ABCA9: variants seen among roughly 807,000 people sequenced by gnomAD.
The protein encoded by ABCA9 is ATP binding cassette subfamily A member 9.
Under a neutral mutation model 205.3 loss-of-function variants are expected in ABCA9, and 183 were observed. That is an observed-to-expected ratio of 0.89 (90% CI 0.79 to 1.01). The LOEUF is 1.01. Ranked by LOEUF, ABCA9 falls within the 50% of genes least tolerant of loss-of-function variation. ABCA9 has a pLI of 0.00. For missense variants in ABCA9, 1,805 were observed against 1,912.4 expected, an observed-to-expected ratio of 0.94 and a Z score of 1.05; for synonymous variants, 651 against 683.3, an observed-to-expected ratio of 0.95 and a Z score of 0.74.
At chr17:68,996,108 T>C (rs898658631) in intron 25 of ABCA9, 94 bp from the exon 26 acceptor site, 5 of 1,344,980 alleles carry the variant, frequency 3.7e-6, no homozygotes, top group Non-Finnish European at 5.1e-6. Context: ...ATAAACGTTG[T>C]TATTTTCAAT....
chr17:68,979,186 G>T, intron 37 of ABCA9, among the ~76,000 whole-genome samples: 1 of 152,096 alleles, frequency 6.6e-6, no homozygotes, highest in Non-Finnish European at 1.5e-5. Flanking sequence ...ATTCACAATT[G>T]CTTCAAATAG....
chr17:69,047,073 T>C (rs2071743417), intron 3 of ABCA9, among the ~76,000 whole-genome samples: 1 of 151,400 alleles, frequency 6.6e-6, no homozygotes, highest in Non-Finnish European at 1.5e-5. Context: ...GTGATTCTCC[T>C]GCCTCAGACT....
At chr17:69,053,415 G>A (rs142129563) in intron 1 of ABCA9, among the ~76,000 whole-genome samples, 4 of 152,286 alleles carry the variant, frequency 2.6e-5, no homozygotes, top group East Asian at 3.9e-4. Flanking sequence ...TAGAGGTTTT[G>A]TGCCAAAACT....
At chr17:69,020,267 T>C in intron 19 of ABCA9, 121 bp downstream of exon 19, 1 of 915,758 alleles carries the variant, frequency 1.1e-6, no homozygotes, top group Non-Finnish European at 1.6e-6. Flanking sequence ...ATGATTTCTT[T>C]GTTTAAAAGA....
intron 14 of ABCA9, 89 bp from the exon 15 acceptor site, chr17:69,027,203 A>C: frequency 6.4e-7 from 1 of 1,572,532 alleles, no homozygotes; most frequent in South Asian, 1.2e-5. Flanking sequence ...ATTTGGGAGA[A>C]ACTTGTTAGT....
intron 15 of ABCA9, 50 bp from the exon 16 acceptor site, chr17:69,026,517 A>C: frequency 6.9e-7 from 1 of 1,442,234 alleles, no homozygotes; most frequent in South Asian, 1.2e-5. Context: ...TTATTTCTTT[A>C]CTATTCACAA....
chr17:69,036,307 T>C (rs1437925423), intron 6 of ABCA9, among the ~76,000 whole-genome samples: 1 of 152,186 alleles, frequency 6.6e-6, no homozygotes, highest in African/African-American at 2.4e-5. Flanking sequence ...TGTGTTTCAA[T>C]AAAATGTATT....
chr17:68,993,767 A>G (rs2069529330), intron 26 of ABCA9, among the ~76,000 whole-genome samples: 1 of 152,226 alleles, frequency 6.6e-6, no homozygotes, highest in Admixed American at 6.5e-5. Context: ...CGACCTTGAC[A>G]TCATTTCAAA....
intron 21 of ABCA9, among the ~76,000 whole-genome samples, chr17:69,016,766 G>C (rs957783694): frequency 6.6e-6 from 1 of 152,066 alleles, no homozygotes; most frequent in Admixed American, 6.6e-5. Flanking sequence ...TTGGATACTT[G>C]AGAAATAGGA....
Position 68,985,050 on chromosome 17 carries a change from T to C in ABCA9, c.4284+3A>G. 6.2e-7 allele frequency: 1 copy of C among 1,614,242 alleles called. No homozygotes were observed. Among genetic ancestry groups the C allele is most frequent in the Non-Finnish European group, 8.5e-7 (1 of 1,180,044 alleles). On this transcript the variant is annotated splice_donor_region_variant and intron_variant, in intron 33 of 38. Transcript: ENST00000340001. ...GCAGAGCAACAACAAGCCCTGCCCG[T>C]ACCTTTCGCTTTATTCCCTCTGACA...
chr17:68,982,234 T>C (rs1429214906), intron 37 of ABCA9, among the ~76,000 whole-genome samples: 1 of 152,196 alleles, frequency 6.6e-6, no homozygotes, highest in East Asian at 1.9e-4. Flanking sequence ...GTAGGGTACC[T>C]TGGCCCCAGC....
intron 1 of ABCA9, 131 bp downstream of exon 1, chr17:69,060,735 A>C: frequency 1.6e-6 from 1 of 611,942 alleles, no homozygotes; most frequent in Non-Finnish European, 2.0e-6. Context: ...TAGATGATTT[A>C]AAAAGTCAAA....
At chr17:68,977,255 C>A (rs766961346) in intron 37 of ABCA9, among the ~76,000 whole-genome samples, 1 of 152,056 alleles carries the variant, frequency 6.6e-6, no homozygotes, top group South Asian at 2.1e-4. Flanking sequence ...ATCACCCACC[C>A]CGGGGAGCTG....
intron 3 of ABCA9, 57 bp from the exon 4 acceptor site, chr17:69,045,393 T>G: frequency 1.0e-5 from 15 of 1,494,632 alleles, no homozygotes; most frequent in East Asian, 2.4e-5. Flanking sequence ...TACCTGGCCA[T>G]ATTCAATTAT....
intron 26 of ABCA9, 73 bp from the exon 27 acceptor site, chr17:68,993,157 A>G (rs1261547736): frequency 8.0e-7 from 1 of 1,253,854 alleles, no homozygotes; most frequent in African/African-American, 1.5e-5. Flanking sequence ...CACTTAAGAT[A>G]AACTGATGCC....
intron 22 of ABCA9, among the ~76,000 whole-genome samples, chr17:69,015,936 A>G (rs2070579155): frequency 6.6e-6 from 1 of 151,116 alleles, no homozygotes; most frequent in Admixed American, 6.6e-5. Flanking sequence ...AGTCATCTGA[A>G]TAAGGTTATA....
rs370177582 is a variant in ABCA9 at position 69,047,811 on chromosome 17, C to T, written c.304+1472G>A. 8.5e-5 allele frequency among the ~76,000 whole-genome samples: 13 copies of T among 152,186 alleles called. No individual in the cohort carries two copies. The East Asian group carries it at 1.2e-3, about 14-fold the overall frequency. On this transcript the variant is annotated intron_variant, in intron 3 of 38. Coordinates refer to ENST00000340001, the MANE Select transcript of ABCA9 (RefSeq NM_080283.4). Reference sequence around the variant, plus strand: ...CACTTTCCCCATCCTGCAAATTTCACGCCACTGGCTAGCCACCCCACTTCA... The same window carrying T: ...CACTTTCCCCATCCTGCAAATTTCATGCCACTGGCTAGCCACCCCACTTCA...
At chr17:69,068,561 A>C in the ABCA9 span, among the ~76,000 whole-genome samples, 2 of 152,242 alleles carry the variant, frequency 1.3e-5, no homozygotes, top group African/African-American at 4.8e-5. Context: ...TTGCTATTTT[A>C]AGCCAGTAAG....
At chr17:68,982,292 T>C (rs556729533) in intron 37 of ABCA9, among the ~76,000 whole-genome samples, 1 of 152,240 alleles carries the variant, frequency 6.6e-6, no homozygotes, top group East Asian at 1.9e-4. Flanking sequence ...GGCTGACCAA[T>C]GCACTGTAGG....
Sources: allele counts gnomAD v4.1 joint callset (sites outside exome capture counted in the v4.1 genomes callset), GRCh38; gene constraint gnomAD v4.1.1; transcripts MANE v1.5; gene names NCBI Gene and HGNC (gene_info 2026-07-23, HGNC 2026-07-21).